Variants in GPC6 observed in about 807,000 individuals in gnomAD.
The protein encoded by GPC6 is glypican 6.
In GPC6, 14 loss-of-function variants were observed where a neutral mutation model predicts 55.2. The ratio of observed to expected loss-of-function variants is 0.25; its 90% confidence interval spans 0.17 to 0.40. GPC6 has a LOEUF of 0.40. GPC6 is among the 10% of genes least tolerant of loss of function. The probability of loss-of-function intolerance (pLI) is 1.00; values close to 1 mark genes in which losing one functional copy is unlikely to be tolerated. For missense variants in GPC6, 641 were observed against 708.5 expected (o/e 0.90, Z 1.08); for synonymous variants, 278 against 259.6 (o/e 1.07, Z -0.68).
At chr13:93,551,321 A>ACC (rs1566419214) in intron 2 of GPC6, among the ~76,000 whole-genome samples, 24 of 147,452 alleles carry the variant, frequency 1.6e-4, no homozygotes, top group African/African-American at 5.0e-4. Context: ...AAAAAAAAAA[A>ACC]CACAATTTCA....
intron 2 of GPC6, among the ~76,000 whole-genome samples, chr13:93,786,840 A>G (rs867827765): frequency 6.6e-6 from 1 of 152,170 alleles, no homozygotes; most frequent in African/African-American, 2.4e-5. Flanking sequence ...AGTGGCACAA[A>G]ACTAGTCTTT....
intron 3 of GPC6, among the ~76,000 whole-genome samples, chr13:93,901,079 G>A (rs1876322971): frequency 2.0e-5 from 3 of 152,134 alleles, no homozygotes; most frequent in Non-Finnish European, 4.4e-5. Flanking sequence ...GGTCTGTGCA[G>A]ACTTTTTATA....
chr13:93,290,194 A>G (rs1205907308), intron 1 of GPC6, among the ~76,000 whole-genome samples: 1 of 152,168 alleles, frequency 6.6e-6, no homozygotes, highest in Non-Finnish European at 1.5e-5. Flanking sequence ...GCCCCAATAA[A>G]GAATGTTTGC....
intron 2 of GPC6, among the ~76,000 whole-genome samples, chr13:93,555,004 C>T (rs926645725): frequency 2.0e-5 from 3 of 152,254 alleles, no homozygotes; most frequent in Non-Finnish European, 4.4e-5. Context: ...AGAATATAAA[C>T]GACTTGAACA....
intron 1 of GPC6, among the ~76,000 whole-genome samples, chr13:93,544,812 C>T (rs1350656671): frequency 6.6e-6 from 1 of 152,080 alleles, no homozygotes; most frequent in Non-Finnish European, 1.5e-5. Context: ...GATGCATACC[C>T]AGGGACAGAC....
chr13:93,467,837 C>T (rs796368098), intron 1 of GPC6, among the ~76,000 whole-genome samples: 10 of 152,102 alleles, frequency 6.6e-5, no homozygotes, highest in African/African-American at 2.4e-4. Flanking sequence ...GTGATTTTCC[C>T]GCCAAGGCCT....
intron 2 of GPC6, among the ~76,000 whole-genome samples, chr13:93,589,150 TTAATC>T (rs568605603): frequency 1.3e-3 from 192 of 151,856 alleles, no homozygotes; most frequent in African/African-American, 4.6e-3. Flanking sequence ...CTTTATACCC[TTAATC>T]TAGATTCCCT....
intron 2 of GPC6, among the ~76,000 whole-genome samples, chr13:93,582,581 A>C (rs1288014078): frequency 6.6e-6 from 1 of 152,240 alleles, no homozygotes; most frequent in Non-Finnish European, 1.5e-5. Flanking sequence ...ATGAAAGAAC[A>C]GACCTTTAGA....
At chr13:93,639,153 A>G (rs1879812144) in intron 2 of GPC6, among the ~76,000 whole-genome samples, 1 of 152,154 alleles carries the variant, frequency 6.6e-6, no homozygotes, top group Non-Finnish European at 1.5e-5. Flanking sequence ...GAGGGGTAAA[A>G]AAATGAAATG....
intron 2 of GPC6, among the ~76,000 whole-genome samples, chr13:93,667,336 AAGAG>A (rs1261554610): frequency 6.6e-6 from 1 of 152,102 alleles, no homozygotes; most frequent in African/African-American, 2.4e-5. Flanking sequence ...ATGTAAATCA[AAGAG>A]AGAGAGAGAA....
At chr13:93,658,812 T>C (rs1463227787) in intron 2 of GPC6, among the ~76,000 whole-genome samples, 2 of 151,834 alleles carry the variant, frequency 1.3e-5, no homozygotes, top group Non-Finnish European at 3.0e-5. Flanking sequence ...TCTGTGTTCA[T>C]GAAGGATGTA....
intron 3 of GPC6, among the ~76,000 whole-genome samples, chr13:93,958,493 A>T (rs551201672): frequency 1.3e-5 from 2 of 152,300 alleles, no homozygotes; most frequent in South Asian, 4.1e-4. Context: ...CTTGTCAATC[A>T]TCAGATGGTT....
intron 1 of GPC6, among the ~76,000 whole-genome samples, chr13:93,328,929 T>C (rs971923586): frequency 6.6e-6 from 1 of 152,094 alleles, no homozygotes; most frequent in Admixed American, 6.6e-5. Context: ...TAGACTCCTG[T>C]CAGTTCAAGT....
chr13:93,327,505 T>G (rs552448139), intron 1 of GPC6, among the ~76,000 whole-genome samples: 37 of 152,236 alleles, frequency 2.4e-4, no homozygotes, highest in Admixed American at 2.0e-3. Flanking sequence ...GATGTTTCAG[T>G]CTCGTTAATA....
At chr13:93,326,976 TG>T (rs1160138902) in intron 1 of GPC6, among the ~76,000 whole-genome samples, 1 of 152,228 alleles carries the variant, frequency 6.6e-6, no homozygotes, top group Non-Finnish European at 1.5e-5. Context: ...TGGTTTTCAC[TG>T]GTTGATTGCC....
chr13:94,102,450 C>T (rs1885901355), intron 4 of GPC6, among the ~76,000 whole-genome samples: 1 of 151,972 alleles, frequency 6.6e-6, no homozygotes. Context: ...TGCAAACTTT[C>T]CTTCCCAAGG....
At chr13:93,235,040 C>T (rs1372181732) in intron 1 of GPC6, among the ~76,000 whole-genome samples, 1 of 152,000 alleles carries the variant, frequency 6.6e-6, no homozygotes, top group Non-Finnish European at 1.5e-5. Context: ...AATTTTTTAC[C>T]CTAATGGAGA....
chr13:94,118,044 T>A (rs1886494233), intron 4 of GPC6, among the ~76,000 whole-genome samples: 1 of 152,112 alleles, frequency 6.6e-6, no homozygotes, highest in South Asian at 2.1e-4. Context: ...AATGTAAAAT[T>A]GCCTATTATT....
At chr13:93,966,964 A>AT (rs903994643) in intron 3 of GPC6, among the ~76,000 whole-genome samples, 5 of 152,036 alleles carry the variant, frequency 3.3e-5, no homozygotes, top group African/African-American at 9.7e-5. Context: ...ATGTTTCATT[A>AT]TTTTTTTAAA....
Sources: allele counts gnomAD v4.1 joint callset (sites outside exome capture counted in the v4.1 genomes callset), GRCh38; gene constraint gnomAD v4.1.1; transcripts MANE v1.5; gene names NCBI Gene and HGNC (gene_info 2026-07-23, HGNC 2026-07-21).